MCU: variants seen among roughly 807,000 people sequenced by gnomAD.
MCU encodes calcium uniporter protein, mitochondrial.
Under a neutral mutation model 45.2 loss-of-function variants are expected in MCU, and 12 were observed. The observed-to-expected ratio is 0.27, with a 90% confidence interval of 0.17 to 0.43. The LOEUF (loss-of-function observed/expected upper bound fraction) is 0.43, where lower values mean the gene tolerates loss of function less well. MCU is among the 20% of genes least tolerant of loss of function. The probability of loss-of-function intolerance (pLI) is 1.00; values close to 1 mark genes in which losing one functional copy is unlikely to be tolerated. For synonymous variants in MCU, 160 were observed against 165.1 expected (o/e 0.97, Z 0.24); for missense variants, 324 against 436.7 (o/e 0.74, Z 2.30).
rs183796417 is a variant in MCU at position 72,806,503 on chromosome 10, A to C, written c.151-27856A>C. Among the ~76,000 whole-genome samples, 416 of 152,288 alleles carry C rather than the reference A, an allele frequency of 2.7e-3. 1 individual carries two copies. The highest frequency in any genetic ancestry group is 0.025 in the Admixed American group (384 of 15,296). ...GCTATGTGGAGGCCTTTGATTCATTAATTCATTCAAATATGCAGTGGTTAT... is the reference window on the plus strand; with the variant it reads ...GCTATGTGGAGGCCTTTGATTCATTCATTCATTCAAATATGCAGTGGTTAT... On this transcript the variant is annotated intron_variant, in intron 1 of 7. Coordinates refer to ENST00000373053, the MANE Select transcript of MCU (RefSeq NM_138357.3).
chr10:72,850,923 A>C (rs1845199133), intron 2 of MCU, among the ~76,000 whole-genome samples: 1 of 152,254 alleles, frequency 6.6e-6, no homozygotes, highest in Non-Finnish European at 1.5e-5. Flanking sequence ...AGGTAATAGT[A>C]GCTGACAACT....
intron 2 of MCU, among the ~76,000 whole-genome samples, chr10:72,848,291 T>C (rs1845152652): frequency 6.6e-6 from 1 of 152,158 alleles, no homozygotes; most frequent in South Asian, 2.1e-4. Context: ...GAGTAATTTA[T>C]GAAGAAAAGA....
At chr10:72,706,166 C>T (rs982398885) in intron 1 of MCU, among the ~76,000 whole-genome samples, 1 of 148,742 alleles carries the variant, frequency 6.7e-6, no homozygotes, top group Non-Finnish European at 1.5e-5. Context: ...TTCTAATGGC[C>T]TTAACTTGTT....
intron 1 of MCU, among the ~76,000 whole-genome samples, chr10:72,780,693 T>C (rs1409084465): frequency 1.3e-5 from 2 of 152,072 alleles, no homozygotes; most frequent in Admixed American, 6.6e-5. Context: ...CCTGCTGCCC[T>C]CTCCTAACCT....
chr10:72,795,718 G>C (rs1338565023), intron 1 of MCU, among the ~76,000 whole-genome samples: 1 of 152,058 alleles, frequency 6.6e-6, no homozygotes, highest in Non-Finnish European at 1.5e-5. Context: ...GCCACTCTGG[G>C]GCCGGGCACA....
At chr10:72,731,229 C>A (rs1290686929) in intron 1 of MCU, 1 of 152,088 alleles carries the variant, frequency 6.6e-6, no homozygotes, top group Non-Finnish European at 1.5e-5. Context: ...CACCTGGCTG[C>A]CTTATTCTTT....
At chr10:72,712,485 T>G (rs1842907551) in intron 1 of MCU, 1 of 152,184 alleles carries the variant, frequency 6.6e-6, no homozygotes, top group South Asian at 2.1e-4. Context: ...AAGCTGTGGG[T>G]GGAAATTTGT....
chr10:72,746,968 A>G (rs767001446), intron 1 of MCU, among the ~76,000 whole-genome samples: 2 of 152,202 alleles, frequency 1.3e-5, no homozygotes, highest in African/African-American at 2.4e-5. Context: ...TAACAATGAA[A>G]CTGTCTGGGC....
chr10:72,728,248 A>G (rs1408303497), intron 1 of MCU, among the ~76,000 whole-genome samples: 1 of 152,208 alleles, frequency 6.6e-6, no homozygotes, highest in African/African-American at 2.4e-5. Context: ...ATATAGGTCA[A>G]TTACCTGCTT....
chr10:72,832,140 C>G (rs1257690537), intron 1 of MCU, among the ~76,000 whole-genome samples: 1 of 152,078 alleles, frequency 6.6e-6, no homozygotes, highest in East Asian at 1.9e-4. Context: ...GATCATAGAT[C>G]ACTGCAGCCT....
chr10:72,804,686 T>C (rs768599447), intron 1 of MCU, among the ~76,000 whole-genome samples: 1 of 152,254 alleles, frequency 6.6e-6, no homozygotes, highest in Non-Finnish European at 1.5e-5. Context: ...GTAGTATTAA[T>C]GCACACAGAA....
At chr10:72,745,345 C>A (rs1189589282) in intron 1 of MCU, among the ~76,000 whole-genome samples, 1 of 152,138 alleles carries the variant, frequency 6.6e-6, no homozygotes, top group East Asian at 1.9e-4. Context: ...TATCGTGGCT[C>A]AGCCTCCTGA....
chr10:72,797,696 G>A (rs1257360337), intron 1 of MCU, among the ~76,000 whole-genome samples: 2 of 150,544 alleles, frequency 1.3e-5, no homozygotes, highest in East Asian at 1.9e-4. Context: ...CACCACGCCC[G>A]GCTAGTTTTT....
intron 1 of MCU, among the ~76,000 whole-genome samples, chr10:72,829,809 T>C (rs1844853726): frequency 6.6e-6 from 1 of 152,208 alleles, no homozygotes; most frequent in Non-Finnish European, 1.5e-5. Context: ...TTTTGTTTGT[T>C]GTTGCCATAT....
At chr10:72,799,568 C>T (rs553591549) in intron 1 of MCU, among the ~76,000 whole-genome samples, 2 of 151,962 alleles carry the variant, frequency 1.3e-5, no homozygotes, top group African/African-American at 4.8e-5. Context: ...CTGATCCTCC[C>T]TCCTCAGCCT....
At chr10:72,885,612 A>G in intron 7 of MCU, 133 bp from the exon 8 acceptor site, 1 of 634,160 alleles carries the variant, frequency 1.6e-6, no homozygotes, top group East Asian at 2.7e-5. Context: ...CTTTCAAGGC[A>G]CTCTTATTTT....
At chr10:72,704,247 A>G (rs947009366) in intron 1 of MCU, among the ~76,000 whole-genome samples, 12 of 152,176 alleles carry the variant, frequency 7.9e-5, no homozygotes, top group African/African-American at 2.7e-4. Flanking sequence ...AGATAGAGAA[A>G]AGGGAAGAGA....
intron 1 of MCU, among the ~76,000 whole-genome samples, chr10:72,777,621 C>T (rs1843915460): frequency 6.6e-6 from 1 of 152,150 alleles, no homozygotes; most frequent in African/African-American, 2.4e-5. Context: ...GGAAACCCTC[C>T]AGGGCACTGG....
intron 2 of MCU, among the ~76,000 whole-genome samples, chr10:72,855,968 T>C (rs942535800): frequency 2.6e-5 from 4 of 152,230 alleles, no homozygotes; most frequent in African/African-American, 9.6e-5. Context: ...TTATTCATAG[T>C]AGCCAAAACC....
Sources: allele counts gnomAD v4.1 joint callset (sites outside exome capture counted in the v4.1 genomes callset), GRCh38; gene constraint gnomAD v4.1.1; transcripts MANE v1.5; gene names NCBI Gene and HGNC (gene_info 2026-07-23, HGNC 2026-07-21).